DIAPH2: variants seen among roughly 807,000 people sequenced by gnomAD.
DIAPH2 encodes protein diaphanous homolog 2.
In DIAPH2, 35 loss-of-function variants were observed where a neutral mutation model predicts 92.7. That is an observed-to-expected ratio of 0.38 (90% CI 0.29 to 0.50). The LOEUF (loss-of-function observed/expected upper bound fraction) is 0.50. Ranked by LOEUF, DIAPH2 falls within the 20% of genes least tolerant of loss-of-function variation. The pLI is 0.94. For missense variants in DIAPH2, 701 were observed against 819.5 expected (o/e 0.86, Z 1.77); for synonymous variants, 301 against 280.4 (o/e 1.07, Z -0.73).
chrX:97,283,735 G>A (rs985134626), intron 23 of DIAPH2, among the ~76,000 whole-genome samples: 31 of 112,172 alleles, frequency 2.8e-4, no homozygotes, highest in African/African-American at 9.0e-4. Flanking sequence ...CTGAGGTCGG[G>A]AGTTTGAGAC....
chrX:97,582,749 G>A (rs1377181570), intron 26 of DIAPH2, among the ~76,000 whole-genome samples: 1 of 110,582 alleles, frequency 9.0e-6, no homozygotes, highest in African/African-American at 3.3e-5. Context: ...AAATTCTCCT[G>A]GATAATATCC....
intron 17 of DIAPH2, among the ~76,000 whole-genome samples, chrX:97,019,629 T>G (rs938821287): frequency 9.0e-6 from 1 of 110,975 alleles, no homozygotes; most frequent in African/African-American, 3.3e-5. Flanking sequence ...TTCTAATATA[T>G]ATACGGAATA....
chrX:97,531,495 A>G (rs1053212126), intron 26 of DIAPH2, among the ~76,000 whole-genome samples: 1 of 112,100 alleles, frequency 8.9e-6, no homozygotes. Context: ...TTACAGACAT[A>G]GCATACATCA....
At chrX:96,798,031 G>T (rs1236142302) in intron 4 of DIAPH2, among the ~76,000 whole-genome samples, 2 of 112,327 alleles carry the variant, frequency 1.8e-5, no homozygotes, top group African/African-American at 6.5e-5. Flanking sequence ...GGTACATTTG[G>T]CTCTCCATAT....
intron 22 of DIAPH2, among the ~76,000 whole-genome samples, chrX:97,176,437 AT>A (rs1327545868): frequency 1.8e-5 from 2 of 112,313 alleles, no homozygotes; most frequent in Non-Finnish European, 3.8e-5. Flanking sequence ...GATTTTATCT[AT>A]TTCTTGGTAT....
intron 24 of DIAPH2, among the ~76,000 whole-genome samples, chrX:97,356,795 T>TAA (rs760858204): frequency 1.6e-3 from 179 of 109,644 alleles, no homozygotes; most frequent in Middle Eastern, 4.7e-3. Context: ...CCTAACATGA[T>TAA]AAAAAAAAAT....
intron 4 of DIAPH2, among the ~76,000 whole-genome samples, chrX:96,818,385 G>A: frequency 9.0e-6 from 1 of 111,053 alleles, no homozygotes; most frequent in East Asian, 2.9e-4. Flanking sequence ...AACCTCTTTT[G>A]GGGTTACCCA....
At chrX:97,510,539 T>C (rs1229265652) in intron 26 of DIAPH2, among the ~76,000 whole-genome samples, 1 of 107,197 alleles carries the variant, frequency 9.3e-6, no homozygotes, top group Non-Finnish European at 1.9e-5. Context: ...CAATTTTGGC[T>C]TTTGTTGCCA....
At chrX:96,778,781 T>G (rs1472233464) in intron 4 of DIAPH2, among the ~76,000 whole-genome samples, 2 of 111,917 alleles carry the variant, frequency 1.8e-5, no homozygotes, top group Non-Finnish European at 3.8e-5. Context: ...AAAATGTTTC[T>G]CAGTGGATTG....
chrX:97,280,370 C>T (rs1051947052), intron 23 of DIAPH2, among the ~76,000 whole-genome samples: 5 of 109,980 alleles, frequency 4.5e-5, no homozygotes, highest in East Asian at 2.9e-4. Flanking sequence ...CCCAACTACT[C>T]GGGAAGCTGA....
chrX:96,934,938 CTCTT>C (rs1449800347), intron 10 of DIAPH2, among the ~76,000 whole-genome samples: 16 of 111,754 alleles, frequency 1.4e-4, no homozygotes, highest in South Asian at 7.4e-4. Flanking sequence ...GTCTGAGAAA[CTCTT>C]TCTTGTTTTA....
chrX:96,851,294 G>T (rs182886071), intron 4 of DIAPH2, among the ~76,000 whole-genome samples: 217 of 111,257 alleles, frequency 2.0e-3, no homozygotes, highest in Middle Eastern at 4.6e-3. Context: ...GTAGAGACGG[G>T]GTTGCGTCAC....
At chrX:96,803,037 A>G (rs1432605589) in intron 4 of DIAPH2, among the ~76,000 whole-genome samples, 2 of 111,256 alleles carry the variant, frequency 1.8e-5, no homozygotes, top group African/African-American at 6.5e-5. Flanking sequence ...CTTCTATCCT[A>G]GCCACACTGG....
rs146769318 is a variant in DIAPH2, at chrX:97,189,095, A to G, written c.2719+47301A>G. Among the ~76,000 whole-genome samples the G allele has an allele frequency of 1.2e-4, 14 of 112,075 alleles. No individual in the cohort carries two copies. In the East Asian group the frequency reaches 3.6e-3, roughly 29 times the overall value. Reference sequence around the variant, plus strand: ...CGTGCCAAGACAGCTATTTTAGCTGAAAATGAGGAGGATGGGAGGTGCACA... The same window carrying G: ...CGTGCCAAGACAGCTATTTTAGCTGGAAATGAGGAGGATGGGAGGTGCACA... On this transcript the variant is annotated intron_variant, in intron 22 of 26. Coordinates refer to ENST00000324765, the MANE Select transcript of DIAPH2 (RefSeq NM_006729.5).
In DIAPH2 at chrX:96,859,138, C is replaced by A. The variant is rs1339173120; in HGVS notation, c.448-22441C>A. ...TGTTATCAATACCATTTCCTTATAA[C>A]AATAGTAGCCAGTTTGAGAACATGA... On this transcript the variant is annotated intron_variant, in intron 4 of 26. Coordinates refer to ENST00000324765, the MANE Select transcript of DIAPH2 (RefSeq NM_006729.5). Among the ~76,000 whole-genome samples the A allele has an allele frequency of 2.7e-5, 3 of 110,477 alleles. No individual in the cohort carries two copies. The East Asian group carries it at 8.5e-4, about 31-fold the overall frequency.
chrX:97,241,313 T>TC (rs1393047154), intron 22 of DIAPH2, among the ~76,000 whole-genome samples: 1 of 110,400 alleles, frequency 9.1e-6, no homozygotes, highest in Non-Finnish European at 1.9e-5. Context: ...TTTTTTTTTT[T>TC]CCCGAGACGG....
intron 26 of DIAPH2, among the ~76,000 whole-genome samples, chrX:97,530,086 A>G (rs762733533): frequency 8.0e-5 from 9 of 112,286 alleles, no homozygotes; most frequent in Admixed American, 2.8e-4. Flanking sequence ...CAGAAGTTCC[A>G]GCTATCTTAT....
At chrX:97,116,770 A>G (rs2067019849) in intron 21 of DIAPH2, among the ~76,000 whole-genome samples, 1 of 112,247 alleles carries the variant, frequency 8.9e-6, no homozygotes, top group Non-Finnish European at 1.9e-5. Flanking sequence ...TTAATTTCAC[A>G]CTATTCAAAT....
rs10564194 is a variant in DIAPH2 at position 96,846,143 on chromosome X, C to CT, written c.448-35420dup. ...TTTGTGTCTCTGCATTAGCGTTATA[C>CT]TTTTTTTTTTTTTTTTATATTGAGA... On this transcript the variant is annotated intron_variant, in intron 4 of 26. Transcript: ENST00000324765. Among the ~76,000 whole-genome samples, 154 of 92,902 alleles carry CT rather than the reference C, an allele frequency of 1.7e-3. 1 individual carries two copies. The highest frequency in any genetic ancestry group is 7.4e-3 in the South Asian group (14 of 1,892). 80.7% of individuals were successfully genotyped at this position (92,902 alleles called of 115,157 possible). A position where few individuals can be genotyped will look rare whatever the true frequency, so the allele number is the denominator to read the frequency against.
Sources: gnomAD v4.1 joint callset for allele counts (sites outside exome capture counted in the v4.1 genomes callset) on GRCh38, gnomAD v4.1.1 for gene constraint, MANE v1.5 for transcripts, NCBI Gene and HGNC (gene_info 2026-07-23, HGNC 2026-07-21) for gene names.